Variants in KLF8 observed in about 807,000 individuals in gnomAD.
KLF8 encodes the protein Krueppel-like factor 8.
Under a neutral mutation model 18.2 loss-of-function variants are expected in KLF8, and 10 were observed. That is an observed-to-expected ratio of 0.55 (90% CI 0.34 to 0.93). The LOEUF is 0.93. Among genes scored for constraint, KLF8 ranks in the 40% least tolerant of loss-of-function variants. The pLI is 0.02. For synonymous variants in KLF8, 109 were observed against 97.3 expected, an observed-to-expected ratio of 1.12 and a Z score of -0.71; for missense variants, 264 against 277.9, an observed-to-expected ratio of 0.95 and a Z score of 0.36.
chrX:55,965,517 A>T, the KLF8 span, among the ~76,000 whole-genome samples: 2 of 111,788 alleles, frequency 1.8e-5, no homozygotes, highest in Admixed American at 9.5e-5. Context: ...TCACCATAAT[A>T]CTGGAAGTGC....
At chrX:56,259,740 T>C (rs1159078603) in intron 2 of KLF8, among the ~76,000 whole-genome samples, 1 of 111,175 alleles carries the variant, frequency 9.0e-6, no homozygotes, top group African/African-American at 3.3e-5. Context: ...CTTACCACTT[T>C]CACGATTTTT....
chrX:56,004,673 G>T, the KLF8 span, among the ~76,000 whole-genome samples: 1 of 111,427 alleles, frequency 9.0e-6, no homozygotes, highest in Non-Finnish European at 1.9e-5. Context: ...AGTCTTGCGG[G>T]TAATTCTTAT....
At chrX:56,283,759 T>C (rs1386201921) in intron 5 of KLF8, among the ~76,000 whole-genome samples, 1 of 112,334 alleles carries the variant, frequency 8.9e-6, no homozygotes, top group African/African-American at 3.2e-5. Context: ...ATCCCAGTTG[T>C]ATTGGTTGCT....
At chrX:56,172,191 T>A in the KLF8 span, among the ~76,000 whole-genome samples, 3,832 of 110,494 alleles carry the variant, frequency 0.035, 61 homozygotes, top group South Asian at 0.078. Flanking sequence ...TGTGCCATAT[T>A]GGTGTGCTGC....
At chrX:55,993,924 T>C in the KLF8 span, among the ~76,000 whole-genome samples, 1 of 106,402 alleles carries the variant, frequency 9.4e-6, no homozygotes, top group African/African-American at 3.4e-5. Flanking sequence ...TTTTTTTTTT[T>C]TTTTTAGATG....
the KLF8 span, among the ~76,000 whole-genome samples, chrX:56,050,257 C>T: frequency 9.0e-6 from 1 of 111,372 alleles, no homozygotes; most frequent in African/African-American, 3.3e-5. Flanking sequence ...TTTTTTGTGT[C>T]TCTATTTCCT....
At chrX:56,215,985 T>C in the KLF8 span, among the ~76,000 whole-genome samples, 1 of 109,193 alleles carries the variant, frequency 9.2e-6, no homozygotes, top group Non-Finnish European at 1.9e-5. Context: ...CAAACATGTT[T>C]TTTTTAATTG....
At chrX:56,136,215 A>G in the KLF8 span, among the ~76,000 whole-genome samples, 1 of 111,816 alleles carries the variant, frequency 8.9e-6, no homozygotes, top group Non-Finnish European at 1.9e-5. Flanking sequence ...CCATCAAGCT[A>G]CCAATGCCTT....
intron 5 of KLF8, among the ~76,000 whole-genome samples, chrX:56,282,001 C>T (rs2067207987): frequency 8.9e-6 from 1 of 112,343 alleles, no homozygotes; most frequent in Non-Finnish European, 1.9e-5. Flanking sequence ...GTCAAATTTT[C>T]CTCAATTGGT....
chrX:56,157,459 C>A, the KLF8 span, among the ~76,000 whole-genome samples: 3 of 110,923 alleles, frequency 2.7e-5, no homozygotes, highest in Admixed American at 9.6e-5. Flanking sequence ...CCTGAGGAAT[C>A]GCCACACTGA....
chrX:56,168,768 A>G, the KLF8 span, among the ~76,000 whole-genome samples: 1 of 108,966 alleles, frequency 9.2e-6, no homozygotes, highest in Non-Finnish European at 1.9e-5. Flanking sequence ...TGTTCTTGCG[A>G]TAGTTTGCTG....
the KLF8 span, among the ~76,000 whole-genome samples, chrX:56,094,498 A>T: frequency 9.0e-6 from 1 of 111,585 alleles, no homozygotes; most frequent in Non-Finnish European, 1.9e-5. Flanking sequence ...AAATAAATAA[A>T]GTAACCATTA....
the KLF8 span, among the ~76,000 whole-genome samples, chrX:56,162,568 C>T: frequency 8.9e-6 from 1 of 111,983 alleles, no homozygotes; most frequent in African/African-American, 3.2e-5. Context: ...CCCTCCAAGC[C>T]AAGCATAGGA....
At chrX:56,114,662 C>G in the KLF8 span, among the ~76,000 whole-genome samples, 30 of 112,701 alleles carry the variant, frequency 2.7e-4, no homozygotes, top group African/African-American at 9.6e-4. Flanking sequence ...AATCAAATAA[C>G]TTCCTTGTTC....
At chrX:56,220,583 T>C in the KLF8 span, among the ~76,000 whole-genome samples, 1 of 111,562 alleles carries the variant, frequency 9.0e-6, no homozygotes, top group Admixed American at 9.5e-5. Flanking sequence ...CCTCCCAGGT[T>C]CAAGCGATTC....
chrX:56,078,928 G>A, the KLF8 span, among the ~76,000 whole-genome samples: 396 of 111,242 alleles, frequency 3.6e-3, 1 homozygote, highest in Middle Eastern at 9.2e-3. Context: ...GTTTATTTGC[G>A]TAGAGGTGTT....
chrX:56,060,428 A>T, the KLF8 span, among the ~76,000 whole-genome samples: 1 of 111,973 alleles, frequency 8.9e-6, no homozygotes, highest in Admixed American at 9.5e-5. Flanking sequence ...CCTTTTCTGC[A>T]TCTATTGAGA....
the KLF8 span, among the ~76,000 whole-genome samples, chrX:56,135,351 C>T: frequency 9.0e-6 from 1 of 111,405 alleles, no homozygotes; most frequent in African/African-American, 3.3e-5. Context: ...CACATATACA[C>T]CATGGAATAC....
At chrX:55,978,765 C>T in the KLF8 span, among the ~76,000 whole-genome samples, 1 of 111,607 alleles carries the variant, frequency 9.0e-6, no homozygotes, top group Admixed American at 9.6e-5. Flanking sequence ...TTGTCCTGGT[C>T]CCGTACTTTG....
Sources: gnomAD v4.1 joint callset for allele counts (sites outside exome capture counted in the v4.1 genomes callset) on GRCh38, gnomAD v4.1.1 for gene constraint, MANE v1.5 for transcripts, NCBI Gene and HGNC (gene_info 2026-07-23, HGNC 2026-07-21) for gene names.